PLEKHA8: variants seen among roughly 807,000 people sequenced by gnomAD.
PLEKHA8 encodes the protein pleckstrin homology domain containing A8.
PLEKHA8 carries 36 observed loss-of-function variants against 68.2 expected under a neutral mutation model. The observed-to-expected ratio is 0.53, with a 90% confidence interval of 0.40 to 0.70. PLEKHA8 has a LOEUF of 0.70. PLEKHA8 is among the 30% of genes least tolerant of loss of function. PLEKHA8 has a pLI of 0.00. For synonymous variants in PLEKHA8, 211 were observed against 216.1 expected, an observed-to-expected ratio of 0.98 and a Z score of 0.20; for missense variants, 505 against 615.4, an observed-to-expected ratio of 0.82 and a Z score of 1.90.
At chr7:30,070,403 C>T (rs1465264419) in intron 12 of PLEKHA8, among the ~76,000 whole-genome samples, 1 of 152,156 alleles carries the variant, frequency 6.6e-6, no homozygotes. Flanking sequence ...GGACTCACAG[C>T]ACCTTTGTCT....
At chr7:30,028,964 G>T (rs900842844) in intron 1 of PLEKHA8, among the ~76,000 whole-genome samples, 162 bp downstream of exon 1, 1 of 152,220 alleles carries the variant, frequency 6.6e-6, no homozygotes, top group South Asian at 2.1e-4. Flanking sequence ...ACGGGACCGT[G>T]TCGCCGTGCA....
At chr7:30,051,172 T>C (rs1370940582) in intron 6 of PLEKHA8, among the ~76,000 whole-genome samples, 1 of 152,202 alleles carries the variant, frequency 6.6e-6, no homozygotes, top group Non-Finnish European at 1.5e-5. Context: ...AGTATTGGTA[T>C]TACAGGCTTG....
intron 5 of PLEKHA8, among the ~76,000 whole-genome samples, chr7:30,049,668 A>G (rs528921842): frequency 1.3e-5 from 2 of 152,172 alleles, no homozygotes; most frequent in Non-Finnish European, 2.9e-5. Flanking sequence ...AGTTGCTTTC[A>G]GCCTGACCCT....
chr7:30,088,093 T>C (rs1298449301), downstream of PLEKHA8, among the ~76,000 whole-genome samples: 1 of 152,252 alleles, frequency 6.6e-6, no homozygotes, highest in Non-Finnish European at 1.5e-5. Context: ...GATGTGTTAG[T>C]TCTGTTAGCC....
intron 12 of PLEKHA8, among the ~76,000 whole-genome samples, chr7:30,070,618 C>T (rs2127993696): frequency 6.6e-6 from 1 of 150,700 alleles, no homozygotes; most frequent in East Asian, 2.0e-4. Context: ...GTGATCTCGG[C>T]TCACTGCAAC....
chr7:30,031,977 A>T (rs565949487), intron 1 of PLEKHA8, among the ~76,000 whole-genome samples: 1 of 152,278 alleles, frequency 6.6e-6, no homozygotes, highest in East Asian at 1.9e-4. Context: ...AATACAAAAA[A>T]AAAAAAGTTT....
intron 13 of PLEKHA8, among the ~76,000 whole-genome samples, chr7:30,113,139 C>T (rs1219314663): frequency 6.6e-6 from 1 of 152,106 alleles, no homozygotes; most frequent in African/African-American, 2.4e-5. Flanking sequence ...TCAGTGGTTG[C>T]TCTGGTTTAC....
chr7:30,115,678 G>A lies in PLEKHA8; in HGVS notation c.1363-13588G>A, dbSNP rs568870731. Among the ~76,000 whole-genome samples, 199 of 149,354 alleles carry A rather than the reference G, an allele frequency of 1.3e-3. 1 individual carries two copies. The highest frequency in any genetic ancestry group is 4.7e-3 in the African/African-American group (188 of 40,212). ...CATACATGTATACGTGTATACATAC[G>A]CACATACATGCATACACGTATACAT... On this transcript the variant is annotated intron_variant, in intron 13 of 13. Transcript: ENST00000396257.
At chr7:30,124,708 T>C (rs979071977) in intron 13 of PLEKHA8, among the ~76,000 whole-genome samples, 1 of 152,170 alleles carries the variant, frequency 6.6e-6, no homozygotes, top group Non-Finnish European at 1.5e-5. Context: ...TCCTCGACTA[T>C]TTAAAAAGAA....
intron 9 of PLEKHA8, among the ~76,000 whole-genome samples, chr7:30,059,635 T>A (rs959479278): frequency 6.6e-6 from 1 of 152,028 alleles, no homozygotes; most frequent in Non-Finnish European, 1.5e-5. Flanking sequence ...TACCTATCTT[T>A]GTCCCTGCCT....
chr7:30,093,563 T>C (rs1056962375), downstream of PLEKHA8, among the ~76,000 whole-genome samples: 1 of 152,250 alleles, frequency 6.6e-6, no homozygotes, highest in African/African-American at 2.4e-5. Context: ...ATTTTGAGCA[T>C]GTTAGTTAAC....
In PLEKHA8 at chr7:30,052,828, G is replaced by A. The variant is rs61755458; in HGVS notation, c.758G>A (p.Ser253Asn). ...LYLKSAEIDC[S>N]ISSEENTDDN... ...TTGAAATCTGCAGAGATAGACTGCAGCATATCAAGTGAGGAAAATACAGAT... is the reference window on the plus strand; with the variant it reads ...TTGAAATCTGCAGAGATAGACTGCAACATATCAAGTGAGGAAAATACAGAT... The change falls in exon 7 of 14, where the codon AGC (serine) becomes AAC (asparagine). Residue 253 changes from serine to asparagine, a missense_variant. By Grantham distance (46) the Ser-to-Asn change is conservative. Transcript: ENST00000449726. The A allele has an allele frequency of 8.2e-6, 13 of 1,577,460 alleles. No homozygotes were observed. In the Middle Eastern group the frequency reaches 5.0e-4, roughly 61 times the overall value.
At chr7:30,107,599 A>G (rs1257901314) in intron 13 of PLEKHA8, among the ~76,000 whole-genome samples, 3 of 152,180 alleles carry the variant, frequency 2.0e-5, no homozygotes. Flanking sequence ...AGAAGTGGCC[A>G]TAGAAGATAA....
At chr7:30,085,331 G>A (rs1795141607), downstream of PLEKHA8, among the ~76,000 whole-genome samples, 1 of 152,152 alleles carries the variant, frequency 6.6e-6, no homozygotes, top group Non-Finnish European at 1.5e-5. Flanking sequence ...TGCCCTGGGT[G>A]TTTTAAGCAT....
chr7:30,048,062 A>C (rs1647058523), intron 4 of PLEKHA8, 106 bp downstream of exon 4: 1 of 638,194 alleles, frequency 1.6e-6, no homozygotes, highest in African/African-American at 2.0e-5. Flanking sequence ...TAATATTACT[A>C]ATATACCTAA....
chr7:30,064,984 C>T (rs1475925456), intron 12 of PLEKHA8, among the ~76,000 whole-genome samples: 1 of 152,156 alleles, frequency 6.6e-6, no homozygotes, highest in Non-Finnish European at 1.5e-5. Flanking sequence ...CCCCCCTAGA[C>T]ATAGAAAGGA....
chr7:30,064,655 T>A (rs1793693002), intron 12 of PLEKHA8, among the ~76,000 whole-genome samples: 2 of 152,324 alleles, frequency 1.3e-5, no homozygotes, highest in East Asian at 3.9e-4. Context: ...TATATGAAGT[T>A]AATAACCTGC....
chr7:30,055,106 G>C, intron 8 of PLEKHA8, 151 bp from the exon 9 acceptor site: 1 of 754,970 alleles, frequency 1.3e-6, no homozygotes, highest in Non-Finnish European at 2.2e-6. Context: ...TTTATTTTAT[G>C]AGACCATATT....
At chr7:30,045,414 G>C (rs1050685877) in intron 2 of PLEKHA8, among the ~76,000 whole-genome samples, 2 of 152,182 alleles carry the variant, frequency 1.3e-5, no homozygotes, top group African/African-American at 4.8e-5. Flanking sequence ...CAAAATAAAT[G>C]AGAGCAACGT....
Sources: allele counts gnomAD v4.1 joint callset (sites outside exome capture counted in the v4.1 genomes callset), GRCh38; gene constraint gnomAD v4.1.1; transcripts MANE v1.5; gene names NCBI Gene and HGNC (gene_info 2026-07-23, HGNC 2026-07-21).